The following FOXN3 variants were observed in gnomAD, a reference collection of about 807,000 sequenced individuals.
The protein encoded by FOXN3 is forkhead box protein N3.
A neutral mutation model predicts 38.4 loss-of-function variants in FOXN3; 7 were observed. That is an observed-to-expected ratio of 0.18 (90% confidence interval 0.10 to 0.34). The LOEUF (loss-of-function observed/expected upper bound fraction) is 0.34, where lower values mean the gene tolerates loss of function less well. Ranked by LOEUF, FOXN3 falls within the 10% of genes least tolerant of loss-of-function variation. FOXN3 has a pLI of 1.00. For synonymous variants in FOXN3, 230 were observed against 242.2 expected (o/e 0.95, Z 0.47); for missense variants, 456 against 613.4 (o/e 0.74, Z 2.71).
intron 1 of FOXN3, among the ~76,000 whole-genome samples, chr14:89,476,372 G>A (rs1238208856): frequency 6.6e-6 from 1 of 152,112 alleles, no homozygotes; most frequent in Non-Finnish European, 1.5e-5. Context: ...CAGACTCCCG[G>A]CAGATGCCCC....
At chr14:89,449,669 T>C (rs1229965804) in intron 1 of FOXN3, among the ~76,000 whole-genome samples, 2 of 152,300 alleles carry the variant, frequency 1.3e-5, no homozygotes, top group East Asian at 1.9e-4. Flanking sequence ...GGCCAACTTA[T>C]AGGACATTTT....
chr14:89,235,159 C>A (rs1280040142), intron 4 of FOXN3, among the ~76,000 whole-genome samples: 1 of 152,138 alleles, frequency 6.6e-6, no homozygotes, highest in Non-Finnish European at 1.5e-5. Flanking sequence ...AGTAAACCTG[C>A]AGGAAGAGAA....
Position 89,476,205 on chromosome 14 carries a change from A to G in FOXN3, c.-14-63715T>C, listed in dbSNP as rs113470843. On this transcript the variant is annotated intron_variant, in intron 1 of 6. Transcript: ENST00000345097. ...GTGTTAGGTAAAAGTCCACCTGTTC[A>G]GAGGCCATCTGACTGCACTTTTGGG... 2.1e-3 allele frequency among the ~76,000 whole-genome samples: 322 copies of G among 152,328 alleles called. 2 individuals carry two copies. Among genetic ancestry groups the G allele is most frequent in the African/African-American group, 7.1e-3 (297 of 41,580 alleles).
Position 89,373,795 on chromosome 14 carries a change from G to A in FOXN3, c.544-22987C>T, listed in dbSNP as rs954367170. 3.3e-5 allele frequency among the ~76,000 whole-genome samples: 5 copies of A among 152,066 alleles called. 1 individual carries two copies. The highest frequency in any genetic ancestry group is 2.6e-4 in the Admixed American group (4 of 15,262). Reference sequence around the variant, plus strand: ...TACATATACTTTTTAAGAGATTTTTGTCTTTGGAACTAGTAAAAGTTTTAC... The same window carrying A: ...TACATATACTTTTTAAGAGATTTTTATCTTTGGAACTAGTAAAAGTTTTAC... On this transcript the variant is annotated intron_variant, in intron 2 of 5. Transcript: ENST00000557258.
In FOXN3 at chr14:89,245,878, CA is replaced by C. The variant is rs575009868; in HGVS notation, c.745+35071del. ...CCCCCATCCCGCATCTGGCATCCCC[CA>C]GACCCCAACCCGCAGCCCTGTGACA... On this transcript the variant is annotated intron_variant, in intron 4 of 5. Coordinates refer to ENST00000557258, the MANE Select transcript of FOXN3 (RefSeq NM_005197.4). Among the ~76,000 whole-genome samples the C allele has an allele frequency of 2.8e-4, 43 of 152,290 alleles. No homozygotes were observed. The East Asian group carries it at 7.5e-3, about 27-fold the overall frequency.
chr14:89,333,165 C>T, intron 3 of FOXN3: 1 of 161,958 alleles, frequency 6.2e-6, no homozygotes, highest in Non-Finnish European at 1.4e-5. Context: ...CTCGGTGGCT[C>T]ACGCCTGTAA....
intron 1 of FOXN3, among the ~76,000 whole-genome samples, chr14:89,478,798 G>A (rs989916427): frequency 4.0e-5 from 6 of 151,742 alleles, no homozygotes; most frequent in Non-Finnish European, 1.5e-5. Context: ...TAGGCGTGGT[G>A]GTGCACGCCT....
intron 2 of FOXN3, among the ~76,000 whole-genome samples, chr14:89,391,573 T>G (rs1300417470): frequency 2.0e-5 from 3 of 152,150 alleles, no homozygotes; most frequent in Non-Finnish European, 2.9e-5. Context: ...GAATAAGAAA[T>G]GTTGGGCAGG....
At position 89,224,873 on chromosome 14, in the gene FOXN3, G is replaced by A. The variant is rs1390390622; in HGVS notation, c.746-44067C>T. On this transcript the variant is annotated intron_variant, in intron 4 of 5. Coordinates refer to ENST00000557258, the MANE Select transcript of FOXN3 (RefSeq NM_005197.4). ...AGGACGGGTGTGGTGGCTCACGCTT[G>A]TAAGCCCAGCACTTTGGGAGGCCGA... Among the ~76,000 whole-genome samples, 3 of 152,272 alleles carry A rather than the reference G, an allele frequency of 2.0e-5. No individual in the cohort carries two copies. The East Asian group carries it at 5.8e-4, about 29-fold the overall frequency.
chr14:89,555,880 T>TGTGTGTGTGTGTGTGTGTGGGGGG (rs1183259048), intron 1 of FOXN3, among the ~76,000 whole-genome samples: 1 of 99,618 alleles, frequency 1.0e-5, no homozygotes, highest in Non-Finnish European at 2.4e-5. Context: ...TGTGTGTATG[T>TGTGTGTGTGTGTGTGTGTGGGGGG]GGGGGTGTAT....
chr14:89,269,485 G>A (rs114727207), intron 4 of FOXN3, among the ~76,000 whole-genome samples: 2 of 148,212 alleles, frequency 1.3e-5, no homozygotes, highest in African/African-American at 5.0e-5. Context: ...GTTTTGTTTT[G>A]TTTTTTTTTT....
In FOXN3 at chr14:89,415,604, C is replaced by CAAAAAAAAA. The variant is rs34026101; in HGVS notation, c.-15+1258_-15+1266dup. 2.3e-3 allele frequency among the ~76,000 whole-genome samples: 125 copies of CAAAAAAAAA among 54,270 alleles called. 7 individuals carry two copies. Among genetic ancestry groups the CAAAAAAAAA allele is most frequent in the African/African-American group, 4.2e-3 (75 of 17,882 alleles). The allele number at this position is 54,270 out of a possible 152,430, so 35.6% of individuals were successfully genotyped here. A position where few individuals can be genotyped will look rare whatever the true frequency, so the allele number is the denominator to read the frequency against. ...AAAAACAAAACAAAACAACAATAAC[C>CAAAAAAAAA]AAAAAAAAAAAAAAAAAAAAAAAAA... On this transcript the variant is annotated intron_variant, in intron 1 of 5. Coordinates refer to ENST00000557258, the MANE Select transcript of FOXN3 (RefSeq NM_005197.4).
chr14:89,291,133 C>G, intron 3 of FOXN3: 1 of 512,866 alleles, frequency 1.9e-6, no homozygotes, highest in South Asian at 1.4e-5. Flanking sequence ...GTGGCAGCAT[C>G]ACACATCTCG....
At chr14:89,341,128 G>A (rs1210540262) in intron 3 of FOXN3, among the ~76,000 whole-genome samples, 1 of 152,108 alleles carries the variant, frequency 6.6e-6, no homozygotes, top group Non-Finnish European at 1.5e-5. Flanking sequence ...ATCTTGGGAC[G>A]ACCCTGGCAG....
chr14:89,586,891 A>G (rs2139919603), intron 1 of FOXN3, among the ~76,000 whole-genome samples: 1 of 152,388 alleles, frequency 6.6e-6, no homozygotes, highest in South Asian at 2.1e-4. Context: ...TATCCATAAT[A>G]TAAAAGCAAA....
intron 3 of FOXN3, among the ~76,000 whole-genome samples, chr14:89,333,749 TAAAAA>T (rs57491119): frequency 3.1e-3 from 178 of 57,288 alleles, no homozygotes; most frequent in Non-Finnish European, 5.0e-3. Flanking sequence ...GAGAGACTAT[TAAAAA>T]AAAAAAAAAA....
At chr14:89,378,529 C>T (rs7148124) in intron 2 of FOXN3, among the ~76,000 whole-genome samples, 10,296 of 152,136 alleles carry the variant, frequency 0.068, 704 homozygotes, top group African/African-American at 0.18. Flanking sequence ...ATATTAAAGT[C>T]ATTTCTCCTT....
chr14:89,450,909 T>G (rs1159678090), intron 1 of FOXN3, among the ~76,000 whole-genome samples: 1 of 152,232 alleles, frequency 6.6e-6, no homozygotes, highest in Non-Finnish European at 1.5e-5. Context: ...ATCTAGGACA[T>G]GTGGCATGCC....
chr14:89,411,909 T>G, intron 2 of FOXN3, 25 bp downstream of exon 2: 1 of 1,312,434 alleles, frequency 7.6e-7, no homozygotes, highest in South Asian at 2.8e-5. Flanking sequence ...AAAGAAAACC[T>G]TGGGTTCCAG....
Sources: gnomAD v4.1 joint callset for allele counts (sites outside exome capture counted in the v4.1 genomes callset) on GRCh38, gnomAD v4.1.1 for gene constraint, MANE v1.5 for transcripts, NCBI Gene and HGNC (gene_info 2026-07-23, HGNC 2026-07-21) for gene names.